The following SBF2 variants were observed in gnomAD, a reference collection of about 807,000 sequenced individuals.
SBF2 encodes myotubularin-related protein 13.
A neutral mutation model predicts 225.2 loss-of-function variants in SBF2; 112 were observed. The observed-to-expected ratio is 0.50, with a 90% CI of 0.43 to 0.58. SBF2 has a LOEUF of 0.58. Ranked by LOEUF, SBF2 falls within the 20% of genes least tolerant of loss-of-function variation. The pLI, the probability that SBF2 is intolerant of heterozygous loss-of-function variation, is 0.00. For missense variants in SBF2, 1,996 were observed against 2,206.2 expected (o/e 0.90, Z 1.91); for synonymous variants, 763 against 773.3 (o/e 0.99, Z 0.22).
At chr11:10,153,407 A>G (rs1955313832) in intron 2 of SBF2, among the ~76,000 whole-genome samples, 1 of 152,200 alleles carries the variant, frequency 6.6e-6, no homozygotes, top group Admixed American at 6.5e-5. Flanking sequence ...TCACAATATT[A>G]GGAACACAAT....
intron 32 of SBF2, among the ~76,000 whole-genome samples, chr11:9,806,415 A>G (rs1853850816): frequency 6.6e-6 from 1 of 152,226 alleles, no homozygotes; most frequent in Non-Finnish European, 1.5e-5. Flanking sequence ...TGCTTTCATG[A>G]AGAACTCATA....
intron 1 of SBF2, among the ~76,000 whole-genome samples, chr11:10,256,490 C>A (rs1190845624): frequency 6.6e-6 from 1 of 152,166 alleles, no homozygotes; most frequent in Non-Finnish European, 1.5e-5. Context: ...AGTTCCTGGT[C>A]CAGGTAATTG....
At chr11:10,300,157 T>C (rs995846142) in intron 1 of SBF2, among the ~76,000 whole-genome samples, 1 of 152,220 alleles carries the variant, frequency 6.6e-6, no homozygotes, top group African/African-American at 2.4e-5. Flanking sequence ...CTTAACACAG[T>C]TTATAATCAT....
intron 2 of SBF2, among the ~76,000 whole-genome samples, chr11:10,065,453 A>G (rs1246733784): frequency 6.6e-6 from 1 of 152,152 alleles, no homozygotes; most frequent in African/African-American, 2.4e-5. Context: ...GTAATAAAAA[A>G]TCAACTAAAG....
intron 2 of SBF2, among the ~76,000 whole-genome samples, chr11:10,095,453 TA>T (rs1951976684): frequency 1.3e-5 from 2 of 152,148 alleles, no homozygotes; most frequent in Non-Finnish European, 2.9e-5. Flanking sequence ...AAAACAGATT[TA>T]AACCCACAAT....
In SBF2 at chr11:10,109,543, G is replaced by A. The variant is rs76527160; in HGVS notation, c.142-66562C>T. On this transcript the variant is annotated intron_variant, in intron 2 of 39. Coordinates refer to ENST00000256190, the MANE Select transcript of SBF2 (RefSeq NM_030962.4). ...ATACAAATACATTTGTTAGCAACTGGGAGGCTGAGGGAGGCACTCAGTGCA... is the reference window on the plus strand; with the variant it reads ...ATACAAATACATTTGTTAGCAACTGAGAGGCTGAGGGAGGCACTCAGTGCA... Among the ~76,000 whole-genome samples the A allele has an allele frequency of 4.6e-5, 7 of 152,268 alleles. No individual in the cohort carries two copies. The East Asian group carries it at 1.4e-3, about 29-fold the overall frequency.
In SBF2 at chr11:9,845,572, A is replaced by C; in HGVS notation, c.3103T>G (p.Ser1035Ala). 6.2e-7 allele frequency: 1 copy of C among 1,613,564 alleles called. No homozygotes were observed. The change falls in exon 24 of 40, where the codon TCT becomes GCT. Residue 1035 changes from serine (S) to alanine (A), a missense_variant. Physicochemically the swap from Ser to Ala is moderately conservative, Grantham distance 99. Coordinates refer to ENST00000256190, the MANE Select transcript of SBF2 (RefSeq NM_030962.4). ...ACTTGTCTTTCTTCTTACCGAAAAGAAGTGTTCTTTTCCTTCTGTTTTGGT... is the reference window on the plus strand; with the variant it reads ...ACTTGTCTTTCTTCTTACCGAAAAGCAGTGTTCTTTTCCTTCTGTTTTGGT... ...ILPKQKEKNTSFRTFSKTIVK... is the reference protein window; with the variant it reads ...ILPKQKEKNTAFRTFSKTIVK...
intron 1 of SBF2, among the ~76,000 whole-genome samples, chr11:10,244,629 G>A (rs2135469526): frequency 6.6e-6 from 1 of 152,230 alleles, no homozygotes; most frequent in Non-Finnish European, 1.5e-5. Flanking sequence ...TTTTAGGCAT[G>A]TGTTATCCTG....
At chr11:9,830,769 ACAAAAC>A (rs1245289833) in intron 27 of SBF2, among the ~76,000 whole-genome samples, 2 of 150,790 alleles carry the variant, frequency 1.3e-5, no homozygotes, top group African/African-American at 4.9e-5. Context: ...CAAAAACAAA[ACAAAAC>A]AAAAAACAAA....
chr11:10,280,175 A>G (rs12421315), intron 1 of SBF2, among the ~76,000 whole-genome samples: 2 of 68,298 alleles, frequency 2.9e-5, no homozygotes, highest in Non-Finnish European at 4.0e-5. Flanking sequence ...ATTTCAGAGT[A>G]TTTCAGATTT....
rs187691734 is a variant in SBF2 at position 9,888,595 on chromosome 11, C to T, written c.1929+7348G>A. The stretch of plus-strand genomic sequence containing the variant: ...GGTAAACCATAACAACTTGACTTTG[C>T]CCCCTCTAAGCCAAAACTTAATGAA... On this transcript the variant is annotated intron_variant, in intron 17 of 39. Coordinates refer to ENST00000256190, the MANE Select transcript of SBF2 (RefSeq NM_030962.4). 2.6e-3 allele frequency among the ~76,000 whole-genome samples: 397 copies of T among 152,098 alleles called. 1 individual carries two copies. The highest frequency in any genetic ancestry group is 9.0e-3 in the African/African-American group (375 of 41,490).
chr11:10,062,405 C>A (rs1950483488), intron 2 of SBF2, among the ~76,000 whole-genome samples: 1 of 152,108 alleles, frequency 6.6e-6, no homozygotes, highest in Non-Finnish European at 1.5e-5. Flanking sequence ...AAAGAGAAGC[C>A]TACAGACTGG....
intron 1 of SBF2, among the ~76,000 whole-genome samples, chr11:10,284,782 T>C (rs73420920): frequency 0.011 from 1,636 of 151,944 alleles, 34 homozygotes; most frequent in African/African-American, 0.037. Context: ...GGCTAATTCA[T>C]TTTTATGTTT....
intron 13 of SBF2, among the ~76,000 whole-genome samples, chr11:9,970,149 T>G (rs1590641031): frequency 6.6e-6 from 1 of 152,266 alleles, no homozygotes; most frequent in East Asian, 1.9e-4. Flanking sequence ...AAATTCCTTA[T>G]TCCCACTGAA....
At chr11:10,053,206 T>C (rs1333904986) in intron 2 of SBF2, among the ~76,000 whole-genome samples, 2 of 152,138 alleles carry the variant, frequency 1.3e-5, no homozygotes, top group Non-Finnish European at 2.9e-5. Context: ...TTCCCTATTG[T>C]TGGTTAAGAT....
chr11:9,958,965 C>T lies in SBF2; in HGVS notation c.1860+2992G>A. 3 of 732,800 alleles carry T rather than the reference C, an allele frequency of 4.1e-6. No homozygotes were observed. The South Asian group carries it at 5.0e-5, about 12-fold the overall frequency. The allele number at this position is 732,800 out of a possible 1,614,324, so 45.4% of individuals were successfully genotyped here. A position where few individuals can be genotyped will look rare whatever the true frequency, so the allele number is the denominator to read the frequency against. The stretch of plus-strand genomic sequence containing the variant: ...GTTTCATGGGAATGTGGATGTGGTA[C>T]TGCTGTTGCTTGCTTAGTTTCTTGA... On this transcript the variant is annotated intron_variant, in intron 16 of 39. Coordinates refer to ENST00000256190, the MANE Select transcript of SBF2 (RefSeq NM_030962.4).
rs752274961 is a variant in SBF2, at chr11:9,785,188, T to C, written c.5168A>G (p.Asn1723Ser). The C allele has an allele frequency of 9.3e-6, 15 of 1,613,930 alleles. No individual in the cohort carries two copies. Among genetic ancestry groups the C allele is most frequent in the East Asian group, 6.7e-5 (3 of 44,890 alleles). The change falls in exon 37 of 40, where the codon AAT becomes AGT. Residue 1723 changes from asparagine to serine, a missense_variant. Asn to Ser is a conservative substitution (Grantham distance 46). Coordinates refer to ENST00000256190, the MANE Select transcript of SBF2 (RefSeq NM_030962.4). ...CGTGGCTGCTCTTCGCTCCACTCCA[T>C]TGGATGGGGAGATGCTGGAATTCTG... Reference protein sequence around the residue: ...EEQNSSISPSNGVERRAATLY... With the variant: ...EEQNSSISPSSGVERRAATLY...
intron 2 of SBF2, among the ~76,000 whole-genome samples, chr11:10,134,941 G>C (rs1180644914): frequency 1.3e-5 from 2 of 152,186 alleles, no homozygotes; most frequent in African/African-American, 2.4e-5. Flanking sequence ...ACTCTGTATG[G>C]GGGCTTCAAC....
At chr11:9,953,885 T>G (rs1324971254) in intron 16 of SBF2, among the ~76,000 whole-genome samples, 1 of 152,180 alleles carries the variant, frequency 6.6e-6, no homozygotes, top group Admixed American at 6.5e-5. Flanking sequence ...AACATAATGC[T>G]GGACATAGAA....
Sources: gnomAD v4.1 joint callset for allele counts (sites outside exome capture counted in the v4.1 genomes callset) on GRCh38, gnomAD v4.1.1 for gene constraint, MANE v1.5 for transcripts, NCBI Gene and HGNC (gene_info 2026-07-23, HGNC 2026-07-21) for gene names.